AGAP1: variants seen among roughly 807,000 people sequenced by gnomAD.
The protein encoded by AGAP1 is arf-GAP with GTPase, ANK repeat and PH domain-containing protein 1.
AGAP1 carries 29 observed loss-of-function variants against 105.3 expected under a neutral mutation model. The ratio of observed to expected loss-of-function variants is 0.28; its 90% confidence interval spans 0.21 to 0.38. The LOEUF (loss-of-function observed/expected upper bound fraction) is 0.38, where lower values mean the gene tolerates loss of function less well. Among genes scored for constraint, AGAP1 ranks in the 10% least tolerant of loss-of-function variants. The pLI, the probability that AGAP1 is intolerant of heterozygous loss-of-function variation, is 1.00. For synonymous variants in AGAP1, 509 were observed against 485.9 expected (o/e 1.05, Z -0.63); for missense variants, 998 against 1,165.1 (o/e 0.86, Z 2.09).
chr2:236,010,652 G>T (rs2056478845), intron 13 of AGAP1, among the ~76,000 whole-genome samples: 1 of 152,218 alleles, frequency 6.6e-6, no homozygotes, highest in South Asian at 2.1e-4. Context: ...AGGTGCCACA[G>T]TGATCTCTCT....
chr2:236,066,306 A>G (rs1354033794), intron 16 of AGAP1, among the ~76,000 whole-genome samples: 2 of 152,122 alleles, frequency 1.3e-5, no homozygotes, highest in African/African-American at 2.4e-5. Context: ...GTTCACTGCA[A>G]CCTCTGCCTC....
At chr2:235,624,764 G>T (rs1946587658) in intron 1 of AGAP1, among the ~76,000 whole-genome samples, 1 of 152,156 alleles carries the variant, frequency 6.6e-6, no homozygotes, top group Admixed American at 6.5e-5. Context: ...TGGAAGTGGG[G>T]CATGGTGGGA....
chr2:235,972,464 A>G (rs1259002360), intron 13 of AGAP1, among the ~76,000 whole-genome samples: 1 of 152,206 alleles, frequency 6.6e-6, no homozygotes, highest in Admixed American at 6.5e-5. Context: ...GCCTGTCTGC[A>G]GAGATGCGGG....
chr2:235,837,331 C>T (rs1184922550), intron 9 of AGAP1, among the ~76,000 whole-genome samples: 1 of 152,098 alleles, frequency 6.6e-6, no homozygotes, highest in Admixed American at 6.5e-5. Flanking sequence ...TGATTAACAG[C>T]GGTTACATTA....
intron 1 of AGAP1, among the ~76,000 whole-genome samples, chr2:235,666,130 C>T (rs192752646): frequency 3.6e-4 from 54 of 151,978 alleles, no homozygotes; most frequent in African/African-American, 1.2e-3. Context: ...TCCTCTCTCG[C>T]GCAGCATTAG....
In AGAP1 at chr2:235,700,867, A is replaced by G. The variant is rs1575165307; in HGVS notation, c.164-8312A>G. On this transcript the variant is annotated intron_variant, in intron 1 of 17. Coordinates refer to ENST00000304032, the MANE Select transcript of AGAP1 (RefSeq NM_001037131.3). The surrounding 1 kb of genome is among the most constrained non-coding windows in gnomAD (Gnocchi z 6.1). ...TATATGTATATATTGTATACTCTAC[A>G]TAGTATATATTTATAATATATGTAT... is the stretch of plus-strand genomic sequence containing the variant. Among the ~76,000 whole-genome samples, 1 of 148,032 alleles carries G rather than the reference A, an allele frequency of 6.8e-6. No individual in the cohort carries two copies. Among genetic ancestry groups the G allele is most frequent in the Middle Eastern group, 3.6e-3 (1 of 280 alleles).
At chr2:236,034,055 T>G (rs2057305822) in intron 13 of AGAP1, among the ~76,000 whole-genome samples, 1 of 152,180 alleles carries the variant, frequency 6.6e-6, no homozygotes, top group East Asian at 1.9e-4. Context: ...TAACTGTGAG[T>G]TATGTAGTTT....
rs1163185906 is a variant in AGAP1, at chr2:236,123,536, AT to A, written c.2371-375del. On this transcript the variant is annotated intron_variant, in intron 17 of 17. Coordinates refer to ENST00000304032, the MANE Select transcript of AGAP1 (RefSeq NM_001037131.3). This position sits in a 1 kb window ranked among gnomAD's most constrained non-coding sequence, Gnocchi z 4.6. ...TCTCTAAGTAGTAAGATTATGGGTG[AT>A]TTTTTTTCTTCTTGAGCTGTTATGT... 6.6e-6 allele frequency among the ~76,000 whole-genome samples: 1 copy of A among 152,068 alleles called. No individual in the cohort carries two copies. The highest frequency in any genetic ancestry group is 2.4e-5 in the African/African-American group (1 of 41,402).
chr2:235,717,064 C>T (rs765043648), intron 2 of AGAP1, among the ~76,000 whole-genome samples: 1 of 152,142 alleles, frequency 6.6e-6, no homozygotes, highest in Non-Finnish European at 1.5e-5. Context: ...CCAGGTCTCC[C>T]CACACTGCCC....
In AGAP1 at chr2:235,866,951, G is replaced by A. The variant is rs924688387; in HGVS notation, c.1051-16394G>A. On this transcript the variant is annotated intron_variant, in intron 9 of 17. Coordinates refer to ENST00000304032, the MANE Select transcript of AGAP1 (RefSeq NM_001037131.3). This position sits in a 1 kb window ranked among gnomAD's most constrained non-coding sequence, Gnocchi z 6.1. ...AATAGAGTCACATCGTGAGTGCTGG[G>A]CGTTAGGATCTCAATATCTGAATTA... Among the ~76,000 whole-genome samples, 3 of 152,186 alleles carry A rather than the reference G, an allele frequency of 2.0e-5. No homozygotes were observed. The highest frequency in any genetic ancestry group is 4.4e-5 in the Non-Finnish European group (3 of 68,030).
chr2:235,514,082 A>G (rs1027614594), intron 1 of AGAP1, among the ~76,000 whole-genome samples: 6 of 152,112 alleles, frequency 3.9e-5, no homozygotes, highest in African/African-American at 1.4e-4. Context: ...GAACACATGT[A>G]TCTGTATTTA....
At chr2:235,598,924 A>G (rs983792883) in intron 1 of AGAP1, among the ~76,000 whole-genome samples, 1 of 152,212 alleles carries the variant, frequency 6.6e-6, no homozygotes, top group Non-Finnish European at 1.5e-5. Context: ...CTAAATATTT[A>G]GGGCTGTGGA....
In AGAP1 at chr2:236,055,818, C is replaced by T. The variant is rs1456198965; in HGVS notation, c.2114+6537C>T. 1.3e-5 allele frequency among the ~76,000 whole-genome samples: 2 copies of T among 152,228 alleles called. No individual in the cohort carries two copies. The highest frequency in any genetic ancestry group is 4.8e-5 in the African/African-American group (2 of 41,466). On this transcript the variant is annotated intron_variant, in intron 16 of 17. Transcript: ENST00000304032. The surrounding 1 kb of genome is among the most constrained non-coding windows in gnomAD (Gnocchi z 6.2). ...TTAGCAACTTCTCTTAGCAAGCCAACTTGGAATCAGACTGAGAGAACCATA... is the reference window on the plus strand; with the variant it reads ...TTAGCAACTTCTCTTAGCAAGCCAATTTGGAATCAGACTGAGAGAACCATA...
chr2:235,800,745 G>A (rs1344787762), intron 8 of AGAP1, among the ~76,000 whole-genome samples: 1 of 152,218 alleles, frequency 6.6e-6, no homozygotes, highest in Non-Finnish European at 1.5e-5. Context: ...GAGTGGGAAG[G>A]TAAAGGTTCT....
At chr2:235,826,113 G>A (rs1959048542) in intron 9 of AGAP1, among the ~76,000 whole-genome samples, 1 of 152,214 alleles carries the variant, frequency 6.6e-6, no homozygotes, top group Non-Finnish European at 1.5e-5. Context: ...TGTGATGAAA[G>A]AGCCACCTGC....
intron 9 of AGAP1, among the ~76,000 whole-genome samples, chr2:235,808,634 CT>C (rs542994602): frequency 9.3e-4 from 141 of 152,304 alleles, no homozygotes; most frequent in Middle Eastern, 3.4e-3. Context: ...AAGCTTTCTC[CT>C]TCCGTGCTCA....
rs181183443 is a variant in AGAP1, at chr2:235,863,837, G to A, written c.1051-19508G>A. ...GACCTTCTAGGGGAAGAGTTAACTC[G>A]GAAAGAAAGGAACTCTGAGCATTGA... On this transcript the variant is annotated intron_variant, in intron 9 of 17. Transcript: ENST00000304032. 6.6e-5 allele frequency among the ~76,000 whole-genome samples: 10 copies of A among 152,246 alleles called. No homozygotes were observed. In the East Asian group the frequency reaches 1.4e-3, roughly 21 times the overall value.
chr2:236,007,407 G>A (rs75485668), intron 13 of AGAP1, among the ~76,000 whole-genome samples: 184 of 152,328 alleles, frequency 1.2e-3, no homozygotes, highest in African/African-American at 4.3e-3. Context: ...CAACTACAAA[G>A]ATGGCAGATC....
chr2:235,579,808 G>A (rs72986868), intron 1 of AGAP1, among the ~76,000 whole-genome samples: 6 of 150,910 alleles, frequency 4.0e-5, no homozygotes, highest in Admixed American at 1.3e-4. Context: ...CTTACTTAGC[G>A]TATGCACCAC....
Sources: gnomAD v4.1 joint callset for allele counts (sites outside exome capture counted in the v4.1 genomes callset) on GRCh38, gnomAD v4.1.1 for gene constraint, Gnocchi (gnomAD v3.1) non-coding constraint, MANE v1.5 for transcripts, NCBI Gene and HGNC (gene_info 2026-07-23, HGNC 2026-07-21) for gene names.